SEMA3G: variants seen among roughly 807,000 people sequenced by gnomAD.
SEMA3G encodes semaphorin 3G, also known as semaphorin-3G.
A neutral mutation model predicts 86.2 loss-of-function variants in SEMA3G; 70 were observed. That is an observed-to-expected ratio of 0.81 (90% confidence interval 0.67 to 0.99). SEMA3G has a LOEUF of 0.99. Among genes scored for constraint, SEMA3G ranks in the 50% least tolerant of loss-of-function variants. SEMA3G has a pLI of 0.00. For synonymous variants in SEMA3G, 416 were observed against 441.4 expected (o/e 0.94, Z 0.72); for missense variants, 1,002 against 1,072.4 (o/e 0.93, Z 0.92).
In SEMA3G at chr3:52,433,246, T is replaced by C. The variant is rs1705985276; in HGVS notation, c.*2357A>G. On this transcript the variant is annotated 3_prime_UTR_variant, in exon 16 of 16. Transcript: ENST00000231721. Reference sequence around the variant, plus strand: ...TCACTCAGGGTGACCTTCTTTCTCATGGAATGGATGGGAGGGCTCTTCATT... The same window carrying C: ...TCACTCAGGGTGACCTTCTTTCTCACGGAATGGATGGGAGGGCTCTTCATT... The C allele has an allele frequency of 6.6e-6, 1 of 152,238 alleles. No homozygotes were observed. Among genetic ancestry groups the C allele is most frequent in the South Asian group, 2.1e-4 (1 of 4,832 alleles). The allele number at this position is 152,238 out of a possible 1,614,324, so 9.4% of individuals were successfully genotyped here.
Position 52,437,629 on chromosome 3 carries a change from G to A in SEMA3G, c.1776C>T (p.Tyr592=), listed in dbSNP as rs757976273. 4.1e-5 allele frequency: 66 copies of A among 1,612,610 alleles called. No individual in the cohort carries two copies. The highest frequency in any genetic ancestry group is 9.9e-5 in the South Asian group (9 of 91,080). Residue 592 remains tyrosine, a synonymous_variant, in exon 15 of 16, where the codon TAC becomes TAT. Coordinates refer to ENST00000231721, the MANE Select transcript of SEMA3G (RefSeq NM_020163.3). ...AVGLVAATMV[Y]GTEHNSTFLE... is the part of the protein sequence containing the mutation. Reference sequence around the variant, plus strand: ...GGAAGGTGCTATTGTGCTCCGTGCCGTAGACCATGGTGGCTGCCACAAGTC... The same window carrying A: ...GGAAGGTGCTATTGTGCTCCGTGCCATAGACCATGGTGGCTGCCACAAGTC...
chr3:52,441,084 C>A, intron 7 of SEMA3G, 36 bp from the exon 8 acceptor site: 1 of 1,537,408 alleles, frequency 6.5e-7, no homozygotes, highest in South Asian at 1.2e-5. Context: ...GCTTGGGCCC[C>A]ACGAGGATGG....
intron 9 of SEMA3G, 65 bp downstream of exon 9, chr3:52,440,689 C>T (rs933821788): frequency 2.0e-6 from 3 of 1,518,606 alleles, no homozygotes; most frequent in Non-Finnish European, 2.7e-6. Flanking sequence ...AGTACAGTCA[C>T]AGGTCACCGA....
rs2153229475 is a variant in SEMA3G, at chr3:52,433,455, G to A, written c.*2148C>T. On this transcript the variant is annotated 3_prime_UTR_variant, in exon 16 of 16. Transcript: ENST00000231721. ...AGTAATTACAAGAAATGTGCTCTGA[G>A]TACAGAGAAACCACAAGGCCCATCT... 1 of 152,632 alleles carries A rather than the reference G, an allele frequency of 6.6e-6. No homozygotes were observed. The highest frequency in any genetic ancestry group is 1.9e-4 in the East Asian group (1 of 5,196). 9.5% of individuals were successfully genotyped at this position (152,632 alleles called of 1,614,324 possible).
rs762635371 is a variant in SEMA3G at position 52,442,841 on chromosome 3, A to G, written c.182T>C (p.Met61Thr). 8 of 1,612,412 alleles carry G rather than the reference A, an allele frequency of 5.0e-6. No homozygotes were observed. The highest frequency in any genetic ancestry group is 2.2e-5 in the East Asian group (1 of 44,806). ...GPQGSLNLQA[M>T]YLDEYRDRLF... The stretch of plus-strand genomic sequence containing the variant: ...GCGGTCTCGGTACTCATCTAGGTAC[A>G]TGGCCTGGAGGTTCAGGGAGCCCTG... Residue 61 changes from methionine (M) to threonine (T), a missense_variant, in exon 2 of 16, where the codon ATG (methionine) becomes ACG (threonine). Physicochemically the swap from Met to Thr is moderately conservative, Grantham distance 81. Transcript: ENST00000231721. This position sits in a 1 kb window ranked among gnomAD's most constrained non-coding sequence, Gnocchi z 6.1.
At chr3:52,439,140 C>G (rs920384177) in intron 12 of SEMA3G, among the ~76,000 whole-genome samples, 179 bp from the exon 13 acceptor site, 2 of 152,120 alleles carry the variant, frequency 1.3e-5, no homozygotes, top group African/African-American at 2.4e-5. Context: ...AAGAAAGGCC[C>G]CCTGGTCATG....
rs376793479 is a variant in SEMA3G at position 52,442,547 on chromosome 3, G to A, written c.339+12C>T. ...GTCAGGTCGGGGGACCATCCCTCCCGACAGCACTCACCAAAGGATCTCTTC... is the reference window on the plus strand; with the variant it reads ...GTCAGGTCGGGGGACCATCCCTCCCAACAGCACTCACCAAAGGATCTCTTC... On this transcript the variant is annotated intron_variant, in intron 3 of 15. Coordinates refer to ENST00000231721, the MANE Select transcript of SEMA3G (RefSeq NM_020163.3). The surrounding 1 kb of genome is among the most constrained non-coding windows in gnomAD (Gnocchi z 6.1). 4.6e-5 allele frequency: 74 copies of A among 1,613,818 alleles called. No individual in the cohort carries two copies. The highest frequency in any genetic ancestry group is 2.4e-4 in the African/African-American group (18 of 74,902).
At chr3:52,444,836 C>A in intron 1 of SEMA3G, 77 bp downstream of exon 1, 1 of 1,099,104 alleles carries the variant, frequency 9.1e-7, no homozygotes, top group Non-Finnish European at 1.2e-6. Flanking sequence ...CACACAAACA[C>A]GGCACATGCA....
At chr3:52,436,155 C>A in intron 15 of SEMA3G, 82 bp from the exon 16 acceptor site, 1 of 1,482,426 alleles carries the variant, frequency 6.7e-7, no homozygotes, top group Non-Finnish European at 9.0e-7. Flanking sequence ...TTTCTGCCAT[C>A]CTTGGGGCCC....
At chr3:52,440,337 C>A in intron 10 of SEMA3G, 40 bp downstream of exon 10, 1 of 1,542,254 alleles carries the variant, frequency 6.5e-7, no homozygotes, top group Non-Finnish European at 8.7e-7. Context: ...CACATCTGCT[C>A]AGGCCTCGCT....
chr3:52,439,419 C>T (rs996949005), intron 12 of SEMA3G, among the ~76,000 whole-genome samples: 10 of 152,292 alleles, frequency 6.6e-5, no homozygotes, highest in African/African-American at 1.9e-4. Flanking sequence ...CCATCCCTCC[C>T]AGCACCCCAG....
chr3:52,444,455 A>G (rs2153229763), intron 1 of SEMA3G, among the ~76,000 whole-genome samples: 1 of 151,822 alleles, frequency 6.6e-6, no homozygotes, highest in Middle Eastern at 3.4e-3. Context: ...GGGCACACGC[A>G]CACAAACAGG....
chr3:52,438,869 C>CGGA, intron 13 of SEMA3G, 51 bp downstream of exon 13: 1 of 1,606,196 alleles, frequency 6.2e-7, no homozygotes, highest in Non-Finnish European at 8.5e-7. Flanking sequence ...GAGGAGGCTG[C>CGGA]GGAGCAGGGG....
intron 13 of SEMA3G, 131 bp from the exon 14 acceptor site, chr3:52,438,330 C>G (rs1342880845): frequency 7.1e-7 from 1 of 1,409,706 alleles, no homozygotes; most frequent in East Asian, 2.5e-5. Flanking sequence ...TGGATTCATT[C>G]AAAAAACAAA....
At chr3:52,441,494 A>G in intron 6 of SEMA3G, 80 bp downstream of exon 6, 1 of 1,583,218 alleles carries the variant, frequency 6.3e-7, no homozygotes, top group Non-Finnish European at 8.7e-7. Context: ...GGAATGGGGC[A>G]GGGGACTCCC....
At chr3:52,440,559 A>G (rs1706133658) in intron 9 of SEMA3G, 38 bp from the exon 10 acceptor site, 4 of 1,587,360 alleles carry the variant, frequency 2.5e-6, no homozygotes, top group Non-Finnish European at 2.6e-6. Context: ...CAGAGTGGCC[A>G]TCAAGGACAA....
In SEMA3G at chr3:52,438,968, AAGG is replaced by A. The variant is rs1706096837; in HGVS notation, c.1468-10_1468-8del. The A allele has an allele frequency of 3.1e-6, 5 of 1,613,018 alleles. No homozygotes were observed. Among genetic ancestry groups the A allele is most frequent in the Non-Finnish European group, 4.2e-6 (5 of 1,179,506 alleles). ...CGGTGATAGGTGTTGGCACCTGGGG[AAGG>A]AGAAGGGTCTCAGTGTGGGTCGGGT... On this transcript the variant is annotated splice_region_variant and splice_polypyrimidine_tract_variant and intron_variant, in intron 12 of 15. Coordinates refer to ENST00000231721, the MANE Select transcript of SEMA3G (RefSeq NM_020163.3).
rs1431623185 is a variant in SEMA3G, at chr3:52,442,010, G to T, written c.460-101C>A. On this transcript the variant is annotated intron_variant, in intron 4 of 15. Transcript: ENST00000231721. This position sits in a 1 kb window ranked among gnomAD's most constrained non-coding sequence, Gnocchi z 6.1. ...CCTCGCGTGCGGCCAGAGAGCGGGG[G>T]TGGGCGGAAGGCGTCCTCATCCAGG... 12 of 1,314,814 alleles carry T rather than the reference G, an allele frequency of 9.1e-6. No individual in the cohort carries two copies. The South Asian group carries it at 1.4e-4, about 15-fold the overall frequency. 81.4% of individuals were successfully genotyped at this position (1,314,814 alleles called of 1,614,324 possible).
rs1706159500 is a variant in SEMA3G at position 52,441,672 on chromosome 3, C to T, written c.569G>A (p.Gly190Asp). 6.2e-7 allele frequency: 1 copy of T among 1,613,546 alleles called. No homozygotes were observed. Among genetic ancestry groups the T allele is most frequent in the Non-Finnish European group, 8.5e-7 (1 of 1,179,920 alleles). The change falls in exon 6 of 16, where the codon GGT becomes GAT. Residue 190 changes from glycine to aspartate, a missense_variant. Physicochemically the swap from Gly to Asp is moderately conservative, Grantham distance 94 (BLOSUM62 -1). Transcript: ENST00000231721. ...TCGCCCCAGGAAGTCAGCAGTGAGACCCGTGTACAGCTCCCCGTCTGGGGT... is the reference window on the plus strand; with the variant it reads ...TCGCCCCAGGAAGTCAGCAGTGAGATCCGTGTACAGCTCCCCGTCTGGGGT... ...STFIDGELYT[G>D]LTADFLGREA... is the part of the protein sequence containing the mutation.
Sources: allele counts gnomAD v4.1 joint callset (sites outside exome capture counted in the v4.1 genomes callset), GRCh38; gene constraint gnomAD v4.1.1; non-coding constraint Gnocchi (gnomAD v3.1); transcripts MANE v1.5; gene names NCBI Gene and HGNC (gene_info 2026-07-23, HGNC 2026-07-21).